The following ZNF782 variants were observed in gnomAD, a reference collection of about 807,000 sequenced individuals.
ZNF782 encodes the protein zinc finger protein 782.
Under a neutral mutation model 13.0 loss-of-function variants are expected in ZNF782, and 12 were observed. The observed-to-expected ratio is 0.92, with a 90% CI of 0.59 to 1.50. ZNF782 has a LOEUF of 1.50. ZNF782 is among the 40% of genes most tolerant of loss of function. The pLI is 0.00. For synonymous variants in ZNF782, 284 were observed against 283.0 expected (o/e 1.00, Z -0.04); for missense variants, 770 against 822.9 (o/e 0.94, Z 0.79).
chr9:96,874,711 G>A (rs1357152500), intron 1 of ZNF782, among the ~76,000 whole-genome samples: 1 of 152,224 alleles, frequency 6.6e-6, no homozygotes, highest in African/African-American at 2.4e-5. Flanking sequence ...GGTCAGAGGG[G>A]TGTTCTCTTT....
At chr9:96,885,174 C>G in the ZNF782 span, among the ~76,000 whole-genome samples, 2 of 151,072 alleles carry the variant, frequency 1.3e-5, no homozygotes, top group Non-Finnish European at 1.5e-5. Flanking sequence ...ATACTAACAC[C>G]AAGAGAAATC....
At chr9:96,915,004 A>G in the ZNF782 span, among the ~76,000 whole-genome samples, 9 of 150,724 alleles carry the variant, frequency 6.0e-5, no homozygotes, top group African/African-American at 1.9e-4. Context: ...TGGGGTGCAT[A>G]AAATGTGTCG....
chr9:96,899,753 G>A, the ZNF782 span, among the ~76,000 whole-genome samples: 1 of 152,116 alleles, frequency 6.6e-6, no homozygotes, highest in Admixed American at 6.5e-5. Flanking sequence ...TAATGAACCT[G>A]CCTACTGAGG....
chr9:96,930,380 T>C, the ZNF782 span, among the ~76,000 whole-genome samples: 1 of 152,146 alleles, frequency 6.6e-6, no homozygotes, highest in African/African-American at 2.4e-5. Context: ...AAAAATTGGC[T>C]GGGCATGGTG....
chr9:96,920,502 A>G, the ZNF782 span, among the ~76,000 whole-genome samples: 1 of 147,480 alleles, frequency 6.8e-6, no homozygotes. Flanking sequence ...TCCTGACCTC[A>G]TGATCCGCCC....
chr9:96,923,842 C>A, the ZNF782 span, among the ~76,000 whole-genome samples: 3 of 142,674 alleles, frequency 2.1e-5, no homozygotes, highest in Admixed American at 2.0e-4. Flanking sequence ...ACCTTCTTTA[C>A]TTTTCCTTTT....
chr9:96,891,235 T>C, the ZNF782 span: 1 of 152,234 alleles, frequency 6.6e-6, no homozygotes, highest in Non-Finnish European at 1.5e-5. Flanking sequence ...TCTGAGTGTA[T>C]TTAATGCCAC....
At chr9:96,880,175 AT>A (rs1000739647), upstream of ZNF782, among the ~76,000 whole-genome samples, 871 of 136,148 alleles carry the variant, frequency 6.4e-3, 5 homozygotes, top group African/African-American at 0.019. Context: ...TAGTTTTAAG[AT>A]TTTTTTTTTT....
chr9:96,839,906 C>T lies in ZNF782; in HGVS notation c.142+4984G>A, dbSNP rs552563891. ...TGTGTAGAAGTAACACACTTTTAGC[C>T]AATTAGTCAATGATGTACATTTGGG... On this transcript the variant is annotated intron_variant, in intron 4 of 5. Transcript: ENST00000481138. Among the ~76,000 whole-genome samples the T allele has an allele frequency of 1.1e-3, 160 of 152,142 alleles. 1 individual carries two copies. The highest frequency in any genetic ancestry group is 3.6e-3 in the African/African-American group (148 of 41,474).
chr9:96,823,861 A>C lies in ZNF782; in HGVS notation c.244+3219T>G, dbSNP rs376896194. Among the ~76,000 whole-genome samples the C allele has an allele frequency of 3.8e-4, 58 of 152,210 alleles. 1 individual carries two copies. In the South Asian group the frequency reaches 5.0e-3, roughly 13 times the overall value. Reference sequence around the variant, plus strand: ...GGATCTGCATAGCTTTTGTGTAGATAAGAGTTGATTCATAGACCAATAACA... The same window carrying C: ...GGATCTGCATAGCTTTTGTGTAGATCAGAGTTGATTCATAGACCAATAACA... On this transcript the variant is annotated intron_variant, in intron 5 of 5. Transcript: ENST00000481138.
chr9:96,828,577 C>A (rs1371692368), intron 4 of ZNF782, among the ~76,000 whole-genome samples: 1 of 152,140 alleles, frequency 6.6e-6, no homozygotes, highest in African/African-American at 2.4e-5. Context: ...CACCTGTAAT[C>A]CCAGTTTTTT....
the ZNF782 span, among the ~76,000 whole-genome samples, chr9:96,898,921 A>G: frequency 6.8e-6 from 1 of 148,132 alleles, no homozygotes; most frequent in Non-Finnish European, 1.5e-5. Flanking sequence ...ATTTAAGTAC[A>G]TTCTCATTTT....
the ZNF782 span, among the ~76,000 whole-genome samples, chr9:96,925,768 G>A: frequency 1.9e-4 from 28 of 148,672 alleles, no homozygotes; most frequent in South Asian, 4.2e-3. Flanking sequence ...TGATGACGCT[G>A]AAGAGCCTTC....
the ZNF782 span, chr9:96,902,779 T>TTTTTTATTATTATTATTA: frequency 7.2e-6 from 1 of 138,816 alleles, no homozygotes; most frequent in African/African-American, 2.7e-5. Flanking sequence ...GTTCTATCAG[T>TTTTTTATTATTATTATTA]TTATTATTAT....
intron 4 of ZNF782, among the ~76,000 whole-genome samples, chr9:96,836,628 G>A (rs1355047157): frequency 1.3e-5 from 2 of 152,148 alleles, no homozygotes; most frequent in Non-Finnish European, 2.9e-5. Context: ...AAGGACATGA[G>A]TTTTGGGGAG....
chr9:96,821,815 C>A (rs1007954459), intron 5 of ZNF782, among the ~76,000 whole-genome samples: 2 of 151,978 alleles, frequency 1.3e-5, no homozygotes, highest in African/African-American at 4.8e-5. Context: ...CAGGTGCCCA[C>A]CACCATACCC....
intron 4 of ZNF782, among the ~76,000 whole-genome samples, chr9:96,844,048 C>A (rs922430802): frequency 3.3e-5 from 5 of 152,066 alleles, no homozygotes; most frequent in African/African-American, 1.2e-4. Context: ...CAGGAAAATG[C>A]AAATTAAAAC....
At chr9:96,826,189 C>T (rs1850613708) in intron 5 of ZNF782, among the ~76,000 whole-genome samples, 1 of 152,066 alleles carries the variant, frequency 6.6e-6, no homozygotes, top group Non-Finnish European at 1.5e-5. Flanking sequence ...GAAAATGTGG[C>T]ACATATACAC....
chr9:96,920,269 T>C, the ZNF782 span, among the ~76,000 whole-genome samples: 9 of 87,794 alleles, frequency 1.0e-4, no homozygotes, highest in African/African-American at 2.3e-4. Context: ...CACCAAAACC[T>C]TTTTTTTTTT....
Sources: gnomAD v4.1 joint callset for allele counts (sites outside exome capture counted in the v4.1 genomes callset) on GRCh38, gnomAD v4.1.1 for gene constraint, MANE v1.5 for transcripts, NCBI Gene and HGNC (gene_info 2026-07-23, HGNC 2026-07-21) for gene names.